CDH10: variants seen among roughly 807,000 people sequenced by gnomAD.
CDH10 encodes cadherin 10, also known as cadherin-10.
In CDH10, 30 loss-of-function variants were observed where a neutral mutation model predicts 73.1. That is an observed-to-expected ratio of 0.41 (90% CI 0.31 to 0.56). The LOEUF (loss-of-function observed/expected upper bound fraction) is 0.56, where lower values mean the gene tolerates loss of function less well. Ranked by LOEUF, CDH10 falls within the 20% of genes least tolerant of loss-of-function variation. CDH10 has a pLI of 0.27. For synonymous variants in CDH10, 345 were observed against 348.2 expected, an observed-to-expected ratio of 0.99 and a Z score of 0.10; for missense variants, 815 against 973.7, an observed-to-expected ratio of 0.84 and a Z score of 2.17.
At chr5:24,503,975 T>C (rs971349767) in intron 8 of CDH10, among the ~76,000 whole-genome samples, 6 of 152,154 alleles carry the variant, frequency 3.9e-5, no homozygotes, top group Non-Finnish European at 5.9e-5. Flanking sequence ...TAATTATTAG[T>C]GTGCAAGTGA....
At chr5:24,566,040 C>A (rs1157489951) in intron 2 of CDH10, among the ~76,000 whole-genome samples, 2 of 152,074 alleles carry the variant, frequency 1.3e-5, no homozygotes, top group African/African-American at 2.4e-5. Context: ...CAAATAACAT[C>A]ATAGTTTTTT....
intron 1 of CDH10, among the ~76,000 whole-genome samples, chr5:24,594,527 T>C (rs1746306749): frequency 6.6e-6 from 1 of 151,974 alleles, no homozygotes; most frequent in Non-Finnish European, 1.5e-5. Flanking sequence ...TCATCACTGC[T>C]GTCCACCTCT....
chr5:24,529,707 A>C lies in CDH10; in HGVS notation c.814+5405T>G, dbSNP rs939921727. 9.9e-5 allele frequency among the ~76,000 whole-genome samples: 15 copies of C among 151,926 alleles called. 1 individual carries two copies. Among genetic ancestry groups the C allele is most frequent in the Admixed American group, 9.2e-4 (14 of 15,190 alleles). On this transcript the variant is annotated intron_variant, in intron 5 of 11. Transcript: ENST00000264463. The stretch of plus-strand genomic sequence containing the variant: ...CTGCATACATATGAGAGAGTCACTC[A>C]ATCATACAGTGACCTTTTGCTTGGA...
At position 24,505,997 on chromosome 5, in the gene CDH10, C is replaced by T. The variant is rs567501297; in HGVS notation, c.1257-749G>A. The stretch of plus-strand genomic sequence containing the variant: ...GGTGTGGTGGCACGTGCCTGTAGTC[C>T]CAGCTACTCAGAAGGATGAAGCAGG... On this transcript the variant is annotated intron_variant, in intron 7 of 11. Coordinates refer to ENST00000264463, the MANE Select transcript of CDH10 (RefSeq NM_006727.5). Among the ~76,000 whole-genome samples the T allele has an allele frequency of 1.1e-4, 16 of 151,716 alleles. No individual in the cohort carries two copies. In the South Asian group the frequency reaches 3.3e-3, roughly 32 times the overall value.
rs770889275 is a variant in CDH10 at position 24,593,268 on chromosome 5, C to T, written c.223G>A (p.Val75Ile). Residue 75 changes from valine to isoleucine, a missense_variant, in exon 2 of 12, where the codon GTA becomes ATA. Coordinates refer to ENST00000264463, the MANE Select transcript of CDH10 (RefSeq NM_006727.5). ...EEYTGSDYQY[V>I]GKLHSDQDKG... ...TTTTAACACAAGCTTACCTTGCCTA[C>T]GTACTGATAATCAGATCCTGTATAT... is the stretch of plus-strand genomic sequence containing the variant. 11 of 1,572,122 alleles carry T rather than the reference C, an allele frequency of 7.0e-6. No individual in the cohort carries two copies. The East Asian group carries it at 9.0e-5, about 13-fold the overall frequency.
At chr5:24,635,432 C>T (rs548688017) in intron 1 of CDH10, among the ~76,000 whole-genome samples, 53 of 151,922 alleles carry the variant, frequency 3.5e-4, no homozygotes, top group Non-Finnish European at 6.3e-4. Context: ...CTTTCTTATG[C>T]TTTTTTCCTC....
At chr5:24,531,579 C>A (rs1016709822) in intron 5 of CDH10, among the ~76,000 whole-genome samples, 9 of 152,010 alleles carry the variant, frequency 5.9e-5, no homozygotes, top group African/African-American at 2.2e-4. Context: ...TACATGGCAG[C>A]AGGAAAGATA....
In CDH10 at chr5:24,619,195, A is replaced by AT. The variant is rs544855955; in HGVS notation, c.-124+25398dup. ...GTCTCATCTATATCTGATTTAGATGATTTTTTTTTTTCTTTTGAGACGTAG... is the reference window on the plus strand; with the variant it reads ...GTCTCATCTATATCTGATTTAGATGATTTTTTTTTTTTCTTTTGAGACGTAG... On this transcript the variant is annotated intron_variant, in intron 1 of 11. Transcript: ENST00000264463. Among the ~76,000 whole-genome samples, 645 of 147,792 alleles carry AT rather than the reference A, an allele frequency of 4.4e-3. 4 individuals carry two copies. Among genetic ancestry groups the AT allele is most frequent in the African/African-American group, 0.012 (492 of 40,522 alleles).
intron 1 of CDH10, among the ~76,000 whole-genome samples, chr5:24,603,885 T>A (rs1746658022): frequency 6.6e-6 from 1 of 152,078 alleles, no homozygotes; most frequent in Non-Finnish European, 1.5e-5. Flanking sequence ...AAAATAAAAC[T>A]GTGTCTATTT....
intron 5 of CDH10, among the ~76,000 whole-genome samples, chr5:24,513,030 C>CG (rs1561133454): frequency 2.1e-5 from 3 of 143,524 alleles, no homozygotes; most frequent in Non-Finnish European, 4.6e-5. Flanking sequence ...TGTTTCTTTT[C>CG]TTTTTTTTTC....
intron 1 of CDH10, among the ~76,000 whole-genome samples, chr5:24,639,117 T>C (rs1013157854): frequency 1.3e-5 from 2 of 151,626 alleles, no homozygotes; most frequent in Non-Finnish European, 3.0e-5. Context: ...TTCAAATCTA[T>C]CAAAAAATAA....
chr5:24,621,969 C>T (rs926205074), intron 1 of CDH10, among the ~76,000 whole-genome samples: 4 of 151,918 alleles, frequency 2.6e-5, no homozygotes, highest in Non-Finnish European at 4.4e-5. Context: ...CCTGAGAGAA[C>T]GAAAGAAGAT....
intron 1 of CDH10, among the ~76,000 whole-genome samples, chr5:24,614,522 G>T (rs1009796153): frequency 1.3e-5 from 2 of 152,168 alleles, no homozygotes; most frequent in African/African-American, 4.8e-5. Flanking sequence ...TTGAGGAAAT[G>T]ACTAGCATGA....
chr5:24,587,842 G>C (rs1484006653), intron 2 of CDH10, among the ~76,000 whole-genome samples: 1 of 152,060 alleles, frequency 6.6e-6, no homozygotes, highest in Non-Finnish European at 1.5e-5. Context: ...TGAATACTTT[G>C]CTAAAATGAT....
At chr5:24,543,686 T>G (rs1744235922) in intron 2 of CDH10, among the ~76,000 whole-genome samples, 1 of 152,032 alleles carries the variant, frequency 6.6e-6, no homozygotes, top group African/African-American at 2.4e-5. Flanking sequence ...AACTTTAAAT[T>G]TGCACCCAAC....
intron 1 of CDH10, among the ~76,000 whole-genome samples, chr5:24,601,748 G>A (rs1253450945): frequency 6.6e-6 from 1 of 151,400 alleles, no homozygotes; most frequent in Non-Finnish European, 1.5e-5. Flanking sequence ...CTTTTTTTAA[G>A]AATTGTGCCA....
intron 11 of CDH10, among the ~76,000 whole-genome samples, chr5:24,490,451 C>T (rs968291210): frequency 2.6e-5 from 4 of 151,962 alleles, no homozygotes; most frequent in African/African-American, 7.2e-5. Flanking sequence ...TTAATACGCA[C>T]GTTCTCATTT....
chr5:24,613,755 T>C (rs905137978), intron 1 of CDH10, among the ~76,000 whole-genome samples: 1 of 152,114 alleles, frequency 6.6e-6, no homozygotes, highest in Non-Finnish European at 1.5e-5. Flanking sequence ...GTGGTACGGA[T>C]AAAATATTTT....
chr5:24,562,386 G>A (rs1484510636), intron 2 of CDH10, among the ~76,000 whole-genome samples: 3 of 151,832 alleles, frequency 2.0e-5, no homozygotes, highest in Non-Finnish European at 4.4e-5. Flanking sequence ...GAATTACAGA[G>A]TCTAATGGTG....
Sources: gnomAD v4.1 joint callset for allele counts (sites outside exome capture counted in the v4.1 genomes callset) on GRCh38, gnomAD v4.1.1 for gene constraint, MANE v1.5 for transcripts, NCBI Gene and HGNC (gene_info 2026-07-23, HGNC 2026-07-21) for gene names.